KIAA0319L: variants seen among roughly 807,000 people sequenced by gnomAD.
KIAA0319L encodes the protein dyslexia-associated protein KIAA0319-like protein.
A neutral mutation model predicts 120.1 loss-of-function variants in KIAA0319L; 55 were observed. The observed-to-expected ratio is 0.46, with a 90% confidence interval of 0.37 to 0.57. KIAA0319L has a LOEUF of 0.57. KIAA0319L is among the 20% of genes least tolerant of loss of function. KIAA0319L has a pLI of 0.00. For synonymous variants in KIAA0319L, 398 were observed against 471.9 expected, an observed-to-expected ratio of 0.84 and a Z score of 2.03; for missense variants, 1,049 against 1,255.3, an observed-to-expected ratio of 0.84 and a Z score of 2.48.
At chr1:35,476,421 G>C (rs1643898547) in intron 4 of KIAA0319L, among the ~76,000 whole-genome samples, 1 of 152,286 alleles carries the variant, frequency 6.6e-6, no homozygotes, top group South Asian at 2.1e-4. Flanking sequence ...CAATAGGCTA[G>C]TCCACTCATA....
intron 20 of KIAA0319L, 110 bp from the exon 21 acceptor site, chr1:35,435,191 C>T: frequency 1.0e-6 from 1 of 963,002 alleles, no homozygotes; most frequent in Non-Finnish European, 1.6e-6. Flanking sequence ...GTCACAGGCT[C>T]CTCTCCAGGC....
intron 3 of KIAA0319L, among the ~76,000 whole-genome samples, chr1:35,488,558 T>C (rs1644471276): frequency 6.6e-6 from 1 of 152,160 alleles, no homozygotes; most frequent in African/African-American, 2.4e-5. Flanking sequence ...ATCATGCTCC[T>C]AAAGCCATGG....
chr1:35,550,884 A>G (rs1280639240), intron 2 of KIAA0319L, among the ~76,000 whole-genome samples: 1 of 152,100 alleles, frequency 6.6e-6, no homozygotes, highest in Admixed American at 6.6e-5. Flanking sequence ...TAAAATATGA[A>G]TTTTAAGACT....
At chr1:35,526,875 A>G (rs948633629) in intron 2 of KIAA0319L, among the ~76,000 whole-genome samples, 1 of 152,182 alleles carries the variant, frequency 6.6e-6, no homozygotes, top group East Asian at 1.9e-4. Context: ...CCAGGAGTTA[A>G]AGACCAGCCT....
chr1:35,466,689 G>A lies in KIAA0319L; in HGVS notation c.1120C>T (p.Pro374Ser), dbSNP rs751821493. Residue 374 changes from proline to serine, a missense_variant, in exon 7 of 21, where the codon CCA becomes TCA. By Grantham distance (74) the Pro-to-Ser change is moderately conservative. Transcript: ENST00000325722. ...SQILKLSKLT[P>S]GLYEFKVIVE... ...ATCACTTTGAATTCATACAGGCCTG[G>A]AGTGAGCTGCAGAAGTGAGAGAAGA... 1.2e-6 allele frequency: 2 copies of A among 1,608,708 alleles called. No individual in the cohort carries two copies. The highest frequency in any genetic ancestry group is 2.7e-5 in the African/African-American group (2 of 74,806).
At position 35,453,415 on chromosome 1, in the gene KIAA0319L, G is replaced by T; in HGVS notation, c.1913+142C>A. On this transcript the variant is annotated intron_variant, in intron 12 of 20. Coordinates refer to ENST00000325722, the MANE Select transcript of KIAA0319L (RefSeq NM_024874.5). The surrounding 1 kb of genome is among the most constrained non-coding windows in gnomAD (Gnocchi z 4.1). ...ATAATATCATTTTCTTGGAGTTGAA[G>T]TTTGGAATTGCAAACATTTCTTCCT... 1 of 695,124 alleles carries T rather than the reference G, an allele frequency of 1.4e-6. No individual in the cohort carries two copies. The highest frequency in any genetic ancestry group is 2.4e-6 in the Non-Finnish European group (1 of 415,050). The allele number at this position is 695,124 out of a possible 1,614,324, so 43.1% of individuals were successfully genotyped here. A position where few individuals can be genotyped will look rare whatever the true frequency, so the allele number is the denominator to read the frequency against.
In KIAA0319L at chr1:35,506,640, C is replaced by G; in HGVS notation, c.638G>C (p.Gly213Ala). 1 of 1,613,918 alleles carries G rather than the reference C, an allele frequency of 6.2e-7. No homozygotes were observed. ...HSKVNDSNEL[G>A]GLTTSGSAEV... is the part of the protein sequence containing the mutation. ...TGCAGAGCCACTGGTAGTCAGACCA[C>G]CTAATTCGTTGGAGTCATTCACTTT... The change falls in exon 3 of 21, where the codon GGT (glycine) becomes GCT (alanine). Residue 213 changes from glycine to alanine, a missense_variant. Gly to Ala is a moderately conservative substitution (Grantham distance 60). Transcript: ENST00000325722. This position sits in a 1 kb window ranked among gnomAD's most constrained non-coding sequence, Gnocchi z 4.0.
intron 1 of KIAA0319L, chr1:35,554,791 A>C: frequency 1.0e-5 from 2 of 198,520 alleles, no homozygotes; most frequent in East Asian, 2.3e-4. Context: ...TAAATCACCT[A>C]TGTGGTAGAA....
intron 3 of KIAA0319L, among the ~76,000 whole-genome samples, chr1:35,491,557 T>C (rs1644594634): frequency 6.6e-6 from 1 of 152,024 alleles, no homozygotes; most frequent in South Asian, 2.1e-4. Context: ...ATCTCGAAAG[T>C]ACTGAAAGCA....
rs149615848 is a variant in KIAA0319L, at chr1:35,442,298, T to C, written c.2818A>G (p.Ile940Val). The change falls in exon 19 of 21, where the codon ATT becomes GTT. Residue 940 changes from isoleucine (I) to valine (V), a missense_variant. Coordinates refer to ENST00000325722, the MANE Select transcript of KIAA0319L (RefSeq NM_024874.5). Reference protein sequence around the residue: ...VLYVIIATFVIVVALGILSWT... With the variant: ...VLYVIIATFVVVVALGILSWT... ...GACAGGATTCCCAAGGCAACAACAA[T>C]GACAAAGGTAGCAATGATAACATAT... The C allele has an allele frequency of 4.8e-5, 78 of 1,613,790 alleles. No individual in the cohort carries two copies. The African/African-American group carries it at 9.7e-4, about 20-fold the overall frequency.
intron 3 of KIAA0319L, among the ~76,000 whole-genome samples, chr1:35,485,718 T>C (rs1644361425): frequency 6.6e-6 from 1 of 152,238 alleles, no homozygotes; most frequent in Admixed American, 6.5e-5. Context: ...AGTTTGCCAC[T>C]TTTAGTTGGC....
intron 3 of KIAA0319L, among the ~76,000 whole-genome samples, chr1:35,502,250 G>C (rs1425152791): frequency 6.6e-6 from 1 of 150,596 alleles, no homozygotes; most frequent in Non-Finnish European, 1.5e-5. Flanking sequence ...ACTCCAGCCT[G>C]GTGACACAGT....
rs555696235 is a variant in KIAA0319L at position 35,463,434 on chromosome 1, C to T, written c.1202-721G>A. ...AAAGACCTTGGCAATCAAACCGTCC[C>T]TTGGCACAGACTGTGCTGAAAAGCT... On this transcript the variant is annotated intron_variant, in intron 7 of 20. Coordinates refer to ENST00000325722, the MANE Select transcript of KIAA0319L (RefSeq NM_024874.5). 5.3e-5 allele frequency among the ~76,000 whole-genome samples: 8 copies of T among 152,306 alleles called. No homozygotes were observed. In the South Asian group the frequency reaches 1.7e-3, roughly 32 times the overall value.
intron 16 of KIAA0319L, among the ~76,000 whole-genome samples, chr1:35,446,314 A>C (rs929106498): frequency 6.6e-6 from 1 of 152,076 alleles, no homozygotes; most frequent in Non-Finnish European, 1.5e-5. Flanking sequence ...TTTTCCTCTC[A>C]GTCTATACAA....
Position 35,484,806 on chromosome 1 carries a change from A to ATTTT in KIAA0319L, c.667-5598_667-5595dup, listed in dbSNP as rs1198710657. ...TATATATATATATATATATATATAT[A>ATTTT]TTTTTTTTTTTATTATACTCTAAGT... On this transcript the variant is annotated intron_variant, in intron 3 of 20. Transcript: ENST00000325722. Among the ~76,000 whole-genome samples the ATTTT allele has an allele frequency of 7.1e-4, 61 of 86,220 alleles. 2 individuals are homozygous for ATTTT. Among genetic ancestry groups the ATTTT allele is most frequent in the Non-Finnish European group, 8.7e-4 (40 of 46,146 alleles). 56.6% of individuals were successfully genotyped at this position (86,220 alleles called of 152,430 possible).
chr1:35,554,727 G>T, intron 1 of KIAA0319L: 1 of 352,700 alleles, frequency 2.8e-6, no homozygotes, highest in Non-Finnish European at 5.0e-6. Flanking sequence ...GATATCAAAT[G>T]AATCCACTGA....
intron 5 of KIAA0319L, 117 bp downstream of exon 5, chr1:35,474,688 G>C: frequency 1.6e-6 from 1 of 614,376 alleles, no homozygotes; most frequent in Middle Eastern, 2.6e-4. Context: ...CTACTAGGAA[G>C]ACTAAGGTGG....
chr1:35,440,758 G>A, intron 20 of KIAA0319L: 1 of 429,102 alleles, frequency 2.3e-6, no homozygotes, highest in Admixed American at 3.5e-5. Flanking sequence ...TGGGGCAGTT[G>A]GAAAAGCGGA....
chr1:35,513,915 G>A (rs182910157), intron 2 of KIAA0319L, among the ~76,000 whole-genome samples: 270 of 152,170 alleles, frequency 1.8e-3, no homozygotes, highest in Non-Finnish European at 2.5e-3. Flanking sequence ...ACAAAACATA[G>A]GAGAATTACC....
Sources: allele counts gnomAD v4.1 joint callset (sites outside exome capture counted in the v4.1 genomes callset), GRCh38; gene constraint gnomAD v4.1.1; non-coding constraint Gnocchi (gnomAD v3.1); transcripts MANE v1.5; gene names NCBI Gene and HGNC (gene_info 2026-07-23, HGNC 2026-07-21).